Variants in ST18 observed in about 807,000 individuals in gnomAD.
ST18 encodes ST18 C2H2C-type zinc finger transcription factor.
In ST18, 50 loss-of-function variants were observed where a neutral mutation model predicts 110.0. The observed-to-expected ratio is 0.45, with a 90% CI of 0.36 to 0.58. The LOEUF is 0.58. Ranked by LOEUF, ST18 falls within the 20% of genes least tolerant of loss-of-function variation. The pLI is 0.00. For missense variants in ST18, 1,306 were observed against 1,280.1 expected, an observed-to-expected ratio of 1.02 and a Z score of -0.31; for synonymous variants, 461 against 452.4, an observed-to-expected ratio of 1.02 and a Z score of -0.24.
chr8:52,261,933 C>A (rs951487477), intron 2 of ST18, among the ~76,000 whole-genome samples: 2 of 152,182 alleles, frequency 1.3e-5, no homozygotes, highest in Non-Finnish European at 2.9e-5. Context: ...AACAATTAGA[C>A]TATGTTTCCA....
chr8:52,227,609 G>A (rs2089939915), intron 3 of ST18, among the ~76,000 whole-genome samples: 1 of 152,168 alleles, frequency 6.6e-6, no homozygotes, highest in African/African-American at 2.4e-5. Context: ...GAGGGTCAAA[G>A]ACTTGATGGT....
intron 2 of ST18, among the ~76,000 whole-genome samples, chr8:52,296,818 A>G (rs776013852): frequency 6.6e-6 from 1 of 152,208 alleles, no homozygotes; most frequent in Middle Eastern, 3.2e-3. Flanking sequence ...TAAATCTCGC[A>G]TGCTTTAAAA....
chr8:52,140,566 T>C (rs2054591266), intron 17 of ST18, among the ~76,000 whole-genome samples: 1 of 151,138 alleles, frequency 6.6e-6, no homozygotes, highest in African/African-American at 2.4e-5. Context: ...GATAGATAGA[T>C]AGATAGATAG....
chr8:52,374,969 AC>A (rs1347821209), intron 2 of ST18, among the ~76,000 whole-genome samples: 10 of 152,086 alleles, frequency 6.6e-5, no homozygotes, highest in Non-Finnish European at 1.0e-4. Context: ...TCGTGCACTT[AC>A]CCGAAGGCTG....
In ST18 at chr8:52,269,451, T is replaced by C. The variant is rs146158665; in HGVS notation, c.-464-39374A>G. ...TAGAACTACATGAAGGCAAAATCTGTGTCACTGCTACAGACATTCCTGAGA... is the reference window on the plus strand; with the variant it reads ...TAGAACTACATGAAGGCAAAATCTGCGTCACTGCTACAGACATTCCTGAGA... On this transcript the variant is annotated intron_variant, in intron 2 of 25. Coordinates refer to ENST00000689386, the MANE Select transcript of ST18 (RefSeq NM_001352837.2). Among the ~76,000 whole-genome samples, 472 of 152,280 alleles carry C rather than the reference T, an allele frequency of 3.1e-3. 4 individuals are homozygous for C. Among genetic ancestry groups the C allele is most frequent in the African/African-American group, 0.011 (456 of 41,564 alleles).
At chr8:52,171,751 T>G in intron 10 of ST18, 41 bp downstream of exon 10, 1 of 1,595,864 alleles carries the variant, frequency 6.3e-7, no homozygotes, top group Non-Finnish European at 8.5e-7. Context: ...CAAACCCTAA[T>G]GCACTTTTAT....
intron 2 of ST18, among the ~76,000 whole-genome samples, chr8:52,295,918 A>C (rs1361037615): frequency 6.6e-6 from 1 of 151,716 alleles, no homozygotes; most frequent in African/African-American, 2.4e-5. Context: ...AGTTCGAGGG[A>C]GCTTAGGACA....
At chr8:52,225,431 C>T (rs1251229303) in intron 3 of ST18, among the ~76,000 whole-genome samples, 2 of 152,156 alleles carry the variant, frequency 1.3e-5, no homozygotes, top group Admixed American at 6.5e-5. Context: ...CATGGACCAG[C>T]GAAATGGTTA....
intron 10 of ST18, among the ~76,000 whole-genome samples, chr8:52,169,447 A>G (rs955010429): frequency 1.3e-5 from 2 of 152,146 alleles, no homozygotes; most frequent in African/African-American, 4.8e-5. Flanking sequence ...ATCTCACTAA[A>G]TGCTTAGTGG....
chr8:52,332,028 A>C (rs1809683251), intron 2 of ST18, among the ~76,000 whole-genome samples: 1 of 152,134 alleles, frequency 6.6e-6, no homozygotes, highest in Non-Finnish European at 1.5e-5. Context: ...GTGTATGTAT[A>C]TATACATATA....
intron 2 of ST18, among the ~76,000 whole-genome samples, chr8:52,317,099 A>G (rs1306744331): frequency 2.0e-5 from 3 of 152,186 alleles, no homozygotes; most frequent in Non-Finnish European, 2.9e-5. Flanking sequence ...TTTCAAAACC[A>G]TCTTTTGACT....
In ST18 at chr8:52,139,651, C is replaced by T. The variant is rs553487141; in HGVS notation, c.2169-2168G>A. Among the ~76,000 whole-genome samples, 91 of 152,254 alleles carry T rather than the reference C, an allele frequency of 6.0e-4. 1 individual carries two copies. Among genetic ancestry groups the T allele is most frequent in the African/African-American group, 1.1e-3 (45 of 41,556 alleles). On this transcript the variant is annotated intron_variant, in intron 17 of 25. Transcript: ENST00000689386. ...GATTACAGGCATGAGCCACCGCGCC[C>T]GGCCTATTTTATATTTTTAAATTAC...
chr8:52,217,384 G>GA (rs2084734335), intron 6 of ST18, among the ~76,000 whole-genome samples: 1 of 151,858 alleles, frequency 6.6e-6, no homozygotes, highest in Non-Finnish European at 1.5e-5. Flanking sequence ...ACTACTTTAA[G>GA]AAAAAAGTTC....
intron 2 of ST18, among the ~76,000 whole-genome samples, chr8:52,400,264 T>C (rs1045115264): frequency 4.6e-5 from 7 of 152,122 alleles, no homozygotes; most frequent in African/African-American, 1.2e-4. Flanking sequence ...AATATCTTTT[T>C]TCACTCCCTT....
At chr8:52,340,679 C>T (rs1194720259) in intron 2 of ST18, among the ~76,000 whole-genome samples, 1 of 152,198 alleles carries the variant, frequency 6.6e-6, no homozygotes, top group Non-Finnish European at 1.5e-5. Flanking sequence ...TTGCCACTCA[C>T]CCCACAGAAC....
At chr8:52,206,098 G>T (rs2079949178) in intron 8 of ST18, among the ~76,000 whole-genome samples, 1 of 152,182 alleles carries the variant, frequency 6.6e-6, no homozygotes. Flanking sequence ...CCTGAGTCCT[G>T]TCTCTGATTC....
In ST18 at chr8:52,212,066, G is replaced by T; in HGVS notation, c.86+13C>A. The T allele has an allele frequency of 1.2e-6, 2 of 1,604,054 alleles. No homozygotes were observed. The highest frequency in any genetic ancestry group is 8.5e-7 in the Non-Finnish European group (1 of 1,177,272). ...ATTAATGTGAAAAAAAAGTAATATA[G>T]GGTAAATCTTACCTGAGCTCCTGGA... On this transcript the variant is annotated intron_variant, in intron 8 of 25. Coordinates refer to ENST00000689386, the MANE Select transcript of ST18 (RefSeq NM_001352837.2).
intron 2 of ST18, among the ~76,000 whole-genome samples, chr8:52,231,323 C>T (rs776485827): frequency 4.6e-5 from 7 of 152,166 alleles, no homozygotes; most frequent in Admixed American, 6.5e-5. Context: ...GTAACTGAGA[C>T]GGATGTCCAA....
chr8:52,139,133 A>T (rs2053746830), intron 17 of ST18, among the ~76,000 whole-genome samples: 1 of 152,168 alleles, frequency 6.6e-6, no homozygotes, highest in Non-Finnish European at 1.5e-5. Flanking sequence ...TATGTTAAAA[A>T]GTAAAGACAA....
Sources: gnomAD v4.1 joint callset for allele counts (sites outside exome capture counted in the v4.1 genomes callset) on GRCh38, gnomAD v4.1.1 for gene constraint, MANE v1.5 for transcripts, NCBI Gene and HGNC (gene_info 2026-07-23, HGNC 2026-07-21) for gene names.